The following CCT2 variants were observed in gnomAD, a reference collection of about 807,000 sequenced individuals.
CCT2 encodes T-complex protein 1 subunit beta.
In CCT2, 18 loss-of-function variants were observed where a neutral mutation model predicts 61.8. The ratio of observed to expected loss-of-function variants is 0.29; its 90% confidence interval spans 0.20 to 0.43. The LOEUF (loss-of-function observed/expected upper bound fraction) is 0.43. CCT2 is among the 20% of genes least tolerant of loss of function. The pLI, the probability that CCT2 is intolerant of heterozygous loss-of-function variation, is 1.00. For missense variants in CCT2, 556 were observed against 656.9 expected (o/e 0.85, Z 1.68); for synonymous variants, 248 against 215.9 (o/e 1.15, Z -1.30).
chr12:69,594,036 G>A (rs959589632), intron 10 of CCT2, among the ~76,000 whole-genome samples: 1 of 152,012 alleles, frequency 6.6e-6, no homozygotes, highest in Non-Finnish European at 1.5e-5. Flanking sequence ...CTTGGGGGGA[G>A]GCTGAGGGAA....
intron 1 of CCT2, chr12:69,585,956 G>A: frequency 1.5e-6 from 2 of 1,295,676 alleles, no homozygotes; most frequent in Admixed American, 3.6e-5. Flanking sequence ...CACCTTGATG[G>A]CCTGCAACCC....
chr12:69,593,464 C>A, intron 9 of CCT2, 46 bp from the exon 10 acceptor site: 1 of 1,256,596 alleles, frequency 8.0e-7, no homozygotes, highest in Non-Finnish European at 1.1e-6. Context: ...TGTAGTTTAT[C>A]TTGTAACAGT....
Position 69,589,650 on chromosome 12 carries a change from G to A in CCT2, c.612G>A (p.Lys204=), listed in dbSNP as rs368268869. The A allele has an allele frequency of 4.3e-6, 7 of 1,613,688 alleles. No individual in the cohort carries two copies. Among genetic ancestry groups the A allele is most frequent in the Non-Finnish European group, 5.1e-6 (6 of 1,179,986 alleles). The part of the protein sequence containing the change: ...GNLEAIHIIK[K]LGGSLADSYL... ...TGGAGGCAATTCATATTATCAAGAAGCTAGGAGGAAGTTTGGCAGATTCCT... is the reference window on the plus strand; with the variant it reads ...TGGAGGCAATTCATATTATCAAGAAACTAGGAGGAAGTTTGGCAGATTCCT... Residue 204 remains lysine (K), a synonymous_variant, in exon 7 of 16, where the codon AAG becomes AAA. Coordinates refer to ENST00000299300, the MANE Select transcript of CCT2 (RefSeq NM_006431.3).
At chr12:69,589,255 T>G (rs553150915) in intron 6 of CCT2, 10 of 530,860 alleles carry the variant, frequency 1.9e-5, no homozygotes, top group South Asian at 6.4e-5. Context: ...CATTAGACTT[T>G]TGCATGCTTG....
At chr12:69,587,201 A>G (rs998542406) in intron 3 of CCT2, 5 of 341,824 alleles carry the variant, frequency 1.5e-5, no homozygotes, top group Non-Finnish European at 1.6e-5. Context: ...TTAACTGTCA[A>G]ATATTATCCT....
intron 9 of CCT2, 55 bp from the exon 10 acceptor site, chr12:69,593,455 G>A: frequency 8.7e-7 from 1 of 1,145,130 alleles, no homozygotes; most frequent in Non-Finnish European, 1.3e-6. Flanking sequence ...TTAGTCTAAT[G>A]TAGTTTATCT....
At position 69,600,038 on chromosome 12, in the gene CCT2, A is replaced by G. The variant is rs1409631176; in HGVS notation, c.1577+34A>G. On this transcript the variant is annotated intron_variant, in intron 15 of 15. Coordinates refer to ENST00000299300, the MANE Select transcript of CCT2 (RefSeq NM_006431.3). ...ACACTTTTCTCAGAAAAAATTACTA[A>G]CAGCAAAACAAAATAGGGAGCTGTA... The G allele has an allele frequency of 1.9e-6, 3 of 1,569,936 alleles. No homozygotes were observed. The African/African-American group carries it at 4.1e-5, about 22-fold the overall frequency.
At chr12:69,598,254 C>T in intron 13 of CCT2, 68 bp from the exon 14 acceptor site, 3 of 1,199,086 alleles carry the variant, frequency 2.5e-6, no homozygotes, top group Non-Finnish European at 2.4e-6. Flanking sequence ...AAAAGCTATC[C>T]TAGTTAGGAG....
chr12:69,586,730 A>C, intron 2 of CCT2, 23 bp from the exon 3 acceptor site: 1 of 1,540,584 alleles, frequency 6.5e-7, no homozygotes, highest in Non-Finnish European at 8.8e-7. Flanking sequence ...TGATTCTGAT[A>C]ATCTCCTTGG....
intron 1 of CCT2, chr12:69,585,781 G>T: frequency 4.3e-6 from 6 of 1,389,048 alleles, no homozygotes; most frequent in Non-Finnish European, 5.6e-6. Context: ...GCCCAGGTCC[G>T]CGCCTCACCC....
At chr12:69,587,318 A>C (rs1639670262) in intron 3 of CCT2, among the ~76,000 whole-genome samples, 187 bp from the exon 4 acceptor site, 1 of 152,144 alleles carries the variant, frequency 6.6e-6, no homozygotes, top group African/African-American at 2.4e-5. Context: ...CTGTGCTTCT[A>C]GTGTTTCTAG....
At chr12:69,586,459 G>A (rs1446737701) in intron 2 of CCT2, 115 bp downstream of exon 2, 1 of 760,176 alleles carries the variant, frequency 1.3e-6, no homozygotes, top group Non-Finnish European at 2.3e-6. Flanking sequence ...ACTGAGGTCA[G>A]GAGTTCGAGA....
Position 69,585,508 on chromosome 12 carries a change from A to G in CCT2, c.-14A>G. The G allele has an allele frequency of 1.3e-6, 2 of 1,566,282 alleles. No homozygotes were observed. The highest frequency in any genetic ancestry group is 1.7e-6 in the Non-Finnish European group (2 of 1,154,560). ...TGTGAGGGGATTCACTTGTGTGCGG[A>G]ACTCCTCGGAACCATGGTGAGCCTG... is the stretch of plus-strand genomic sequence containing the variant. On this transcript the variant is annotated 5_prime_UTR_variant, in exon 1 of 16. Transcript: ENST00000299300.
At chr12:69,591,787 C>G (rs142421463) in intron 7 of CCT2, among the ~76,000 whole-genome samples, 6 of 152,084 alleles carry the variant, frequency 3.9e-5, no homozygotes, top group African/African-American at 7.2e-5. Flanking sequence ...CTGGTTGGGT[C>G]GGTAAAGCCC....
chr12:69,591,900 G>T (rs765632179), intron 7 of CCT2, among the ~76,000 whole-genome samples, 159 bp from the exon 8 acceptor site: 3 of 152,158 alleles, frequency 2.0e-5, no homozygotes, highest in Admixed American at 6.5e-5. Flanking sequence ...GAATAAGGCA[G>T]GTTGGACAAG....
At position 69,589,509 on chromosome 12, in the gene CCT2, A is replaced by G. The variant is rs1593096116; in HGVS notation, c.471A>G (p.Gln157=). ...DHGSDEVKFR[Q]DLMNIAGTTL... The stretch of plus-strand genomic sequence containing the variant: ...GTTCCGATGAAGTTAAATTCCGTCA[A>G]GATTTAATGAATATTGCGGGCACAA... Residue 157 remains glutamine (Q), a synonymous_variant, in exon 7 of 16, where the codon CAA becomes CAG. Coordinates refer to ENST00000299300, the MANE Select transcript of CCT2 (RefSeq NM_006431.3). 6.2e-7 allele frequency: 1 copy of G among 1,614,092 alleles called. No homozygotes were observed. Among genetic ancestry groups the G allele is most frequent in the Non-Finnish European group, 8.5e-7 (1 of 1,179,954 alleles).
At chr12:69,599,784 A>C (rs1358391374) in intron 14 of CCT2, 79 bp from the exon 15 acceptor site, 2 of 1,197,150 alleles carry the variant, frequency 1.7e-6, no homozygotes, top group African/African-American at 3.1e-5. Context: ...TAATAGGATT[A>C]ATTTTTATTA....
At chr12:69,588,386 C>T (rs1881730705) in intron 6 of CCT2, 124 bp downstream of exon 6, 1 of 691,242 alleles carries the variant, frequency 1.4e-6, no homozygotes, top group Non-Finnish European at 2.5e-6. Flanking sequence ...CACCCCACTC[C>T]AACAGTCAAA....
chr12:69,593,036 GA>G lies in CCT2; in HGVS notation c.815del (p.Lys272ArgfsTer4). The G allele has an allele frequency of 6.2e-7, 1 of 1,613,346 alleles. No individual in the cohort carries two copies. The highest frequency in any genetic ancestry group is 8.5e-7 in the Non-Finnish European group (1 of 1,179,446). ...AAAGGTTGCAGAAATAGAACATGCG[GA>G]AAAGGAAAAAATGAAGGAGAAAGTT... Reference protein sequence around the residue: ...TAKVAEIEHAEKEKMKEKVER... With the variant: ...TAKVAEIEHAXKEKMKEKVER... On this transcript the variant is annotated frameshift_variant, in exon 9 of 16. Transcript: ENST00000299300. LOFTEE classifies it high-confidence loss of function.
Sources: allele counts gnomAD v4.1 joint callset (sites outside exome capture counted in the v4.1 genomes callset), GRCh38; gene constraint gnomAD v4.1.1; transcripts MANE v1.5; gene names NCBI Gene and HGNC (gene_info 2026-07-23, HGNC 2026-07-21).